MICAL2: variants seen among roughly 807,000 people sequenced by gnomAD.
MICAL2 encodes microtubule associated monooxygenase, calponin and LIM domain containing 2.
Under a neutral mutation model 127.3 loss-of-function variants are expected in MICAL2, and 77 were observed. The ratio of observed to expected loss-of-function variants is 0.60; its 90% CI spans 0.50 to 0.73. The LOEUF (loss-of-function observed/expected upper bound fraction) is 0.73. MICAL2 is among the 30% of genes least tolerant of loss of function. MICAL2 has a pLI of 0.00. For missense variants in MICAL2, 1,351 were observed against 1,434.4 expected (o/e 0.94, Z 0.94); for synonymous variants, 570 against 551.1 (o/e 1.03, Z -0.48).
chr11:12,349,253 T>C (rs1939006376), intron 32 of MICAL2, among the ~76,000 whole-genome samples: 1 of 152,230 alleles, frequency 6.6e-6, no homozygotes, highest in Non-Finnish European at 1.5e-5. Flanking sequence ...GTAATAAGAA[T>C]ATATGGATAT....
At chr11:12,238,277 C>T (rs1435478846) in intron 16 of MICAL2, among the ~76,000 whole-genome samples, 1 of 152,100 alleles carries the variant, frequency 6.6e-6, no homozygotes, top group Non-Finnish European at 1.5e-5. Context: ...GAGGAGATCC[C>T]GTAGTAAGGG....
chr11:12,291,650 A>T (rs1159925166), downstream of MICAL2, among the ~76,000 whole-genome samples: 1 of 152,218 alleles, frequency 6.6e-6, no homozygotes, highest in Non-Finnish European at 1.5e-5. Context: ...TTCCTGTCTG[A>T]GAGCCTCTTG....
chr11:12,322,732 T>C (rs570036200), intron 30 of MICAL2, among the ~76,000 whole-genome samples: 28 of 152,294 alleles, frequency 1.8e-4, no homozygotes, highest in African/African-American at 6.7e-4. Context: ...GTATGTATAA[T>C]ATATACTCCT....
At chr11:12,283,431 A>G (rs1427151881) in intron 2 of MICAL2, among the ~76,000 whole-genome samples, 1 of 152,218 alleles carries the variant, frequency 6.6e-6, no homozygotes, top group Admixed American at 6.5e-5. Context: ...GAAACAAATC[A>G]AATGTTCAAC....
intron 24 of MICAL2, among the ~76,000 whole-genome samples, chr11:12,269,500 G>A (rs1203190710): frequency 4.6e-5 from 7 of 152,200 alleles, no homozygotes; most frequent in Non-Finnish European, 1.0e-4. Flanking sequence ...GATACAGCGT[G>A]TGCCCCCACC....
chr11:12,164,244 C>A (rs1253020926), intron 3 of MICAL2, among the ~76,000 whole-genome samples: 6 of 152,182 alleles, frequency 3.9e-5, no homozygotes, highest in Non-Finnish European at 7.3e-5. Context: ...AAGAAAGCTC[C>A]TTTTGTTAGG....
chr11:12,251,215 C>T (rs1861484214), intron 22 of MICAL2, among the ~76,000 whole-genome samples: 1 of 146,888 alleles, frequency 6.8e-6, no homozygotes, highest in East Asian at 2.0e-4. Flanking sequence ...TGTCATTAGC[C>T]ACAGATAGTT....
intron 3 of MICAL2, among the ~76,000 whole-genome samples, chr11:12,203,738 T>G (rs1854315703): frequency 6.6e-6 from 1 of 152,260 alleles, no homozygotes; most frequent in Non-Finnish European, 1.5e-5. Context: ...CATGGTGGTC[T>G]TGGAAGCACC....
chr11:12,311,535 C>T (rs1164036029), intron 29 of MICAL2, among the ~76,000 whole-genome samples: 2 of 152,166 alleles, frequency 1.3e-5, no homozygotes, highest in Non-Finnish European at 2.9e-5. Context: ...CCTTAGCCTC[C>T]AGAGTAGCTG....
At chr11:12,303,445 G>A (rs549226049) in intron 29 of MICAL2, 14 of 152,116 alleles carry the variant, frequency 9.2e-5, no homozygotes, top group Admixed American at 7.8e-4. Context: ...AGTGTAAAAT[G>A]GTTTTCTATT....
intron 1 of MICAL2, among the ~76,000 whole-genome samples, chr11:12,113,767 A>C (rs1468244304): frequency 6.6e-6 from 1 of 152,100 alleles, no homozygotes; most frequent in Non-Finnish European, 1.5e-5. Flanking sequence ...AAAACACAGC[A>C]TATATAGGGT....
chr11:12,210,861 C>G (rs1415103010), intron 6 of MICAL2, among the ~76,000 whole-genome samples: 2 of 152,198 alleles, frequency 1.3e-5, no homozygotes, highest in Non-Finnish European at 2.9e-5. Context: ...AGAGACTGCC[C>G]TGTGCATTGT....
At chr11:12,301,158 C>T (rs559138554) in intron 29 of MICAL2, among the ~76,000 whole-genome samples, 71 of 152,274 alleles carry the variant, frequency 4.7e-4, no homozygotes, top group African/African-American at 1.6e-3. Context: ...TTCACTATCA[C>T]GAGACTAGCA....
At chr11:12,311,653 G>C (rs1038104167) in intron 29 of MICAL2, among the ~76,000 whole-genome samples, 14 of 152,168 alleles carry the variant, frequency 9.2e-5, no homozygotes, top group Admixed American at 9.2e-4. Flanking sequence ...TGATCCACCT[G>C]CCTCGGCCTC....
At chr11:12,217,684 G>A (rs999899231) in intron 8 of MICAL2, among the ~76,000 whole-genome samples, 1 of 152,132 alleles carries the variant, frequency 6.6e-6, no homozygotes, top group Non-Finnish European at 1.5e-5. Flanking sequence ...GGATGCTAAG[G>A]TCACCCTCAG....
intron 1 of MICAL2, among the ~76,000 whole-genome samples, chr11:12,137,230 C>T (rs574576430): frequency 6.6e-6 from 1 of 152,366 alleles, no homozygotes; most frequent in Non-Finnish European, 1.5e-5. Flanking sequence ...GCTGCCGCTT[C>T]TGCCCAGGTG....
chr11:12,360,998 C>T (rs985808662), downstream of MICAL2, among the ~76,000 whole-genome samples: 3 of 152,128 alleles, frequency 2.0e-5, no homozygotes, highest in Non-Finnish European at 2.9e-5. Context: ...AAATACTATA[C>T]ATTTTGAAGA....
chr11:12,233,814 A>G (rs1012710129), intron 15 of MICAL2, among the ~76,000 whole-genome samples: 1 of 152,364 alleles, frequency 6.6e-6, no homozygotes, highest in East Asian at 1.9e-4. Flanking sequence ...AGAGTGAAAC[A>G]GGGTCCAAGG....
downstream of MICAL2, among the ~76,000 whole-genome samples, chr11:12,267,891 C>T (rs1244661794): frequency 1.3e-5 from 2 of 152,188 alleles, no homozygotes; most frequent in African/African-American, 4.8e-5. Context: ...CTGTGCCTGG[C>T]CTGGATGATC....
Sources: gnomAD v4.1 joint callset for allele counts (sites outside exome capture counted in the v4.1 genomes callset) on GRCh38, gnomAD v4.1.1 for gene constraint, MANE v1.5 for transcripts, NCBI Gene and HGNC (gene_info 2026-07-23, HGNC 2026-07-21) for gene names.